SUPT3H: variants seen among roughly 807,000 people sequenced by gnomAD.
The protein encoded by SUPT3H is transcription initiation protein SPT3 homolog.
Under a neutral mutation model 44.3 loss-of-function variants are expected in SUPT3H, and 44 were observed. That is an observed-to-expected ratio of 0.99 (90% CI 0.78 to 1.28). The LOEUF is 1.28. Among genes scored for constraint, SUPT3H ranks in the 50% most tolerant of loss-of-function variants. SUPT3H has a pLI of 0.00. For missense variants in SUPT3H, 380 were observed against 387.1 expected, an observed-to-expected ratio of 0.98 and a Z score of 0.15; for synonymous variants, 124 against 125.6, an observed-to-expected ratio of 0.99 and a Z score of 0.09.
intron 10 of SUPT3H, among the ~76,000 whole-genome samples, chr6:44,865,290 G>A (rs911960142): frequency 2.0e-5 from 3 of 152,106 alleles, no homozygotes; most frequent in Non-Finnish European, 4.4e-5. Context: ...ACATTTTCCT[G>A]TCTTCTTCTG....
At chr6:45,251,297 G>A (rs1562794706) in intron 2 of SUPT3H, among the ~76,000 whole-genome samples, 3 of 151,966 alleles carry the variant, frequency 2.0e-5, no homozygotes, top group South Asian at 4.2e-4. Flanking sequence ...TTTATGTTAT[G>A]TATATTCTTT....
intron 2 of SUPT3H, among the ~76,000 whole-genome samples, chr6:45,199,531 A>G (rs1386768576): frequency 6.6e-6 from 1 of 151,408 alleles, no homozygotes; most frequent in African/African-American, 2.4e-5. Context: ...TACAGCAAAA[A>G]TACTTCGTCA....
chr6:45,164,937 C>T (rs1809604798), intron 2 of SUPT3H, among the ~76,000 whole-genome samples: 1 of 152,018 alleles, frequency 6.6e-6, no homozygotes, highest in South Asian at 2.1e-4. Context: ...TCATCTAAAG[C>T]CCAAGACCCC....
intron 2 of SUPT3H, among the ~76,000 whole-genome samples, chr6:45,186,697 T>C (rs947873417): frequency 2.0e-5 from 3 of 152,162 alleles, no homozygotes; most frequent in South Asian, 2.1e-4. Flanking sequence ...GGTACACCAC[T>C]CTTACCTTCC....
intron 10 of SUPT3H, 123 bp from the exon 11 acceptor site, chr6:44,829,980 G>T: frequency 1.2e-6 from 1 of 837,968 alleles, no homozygotes; most frequent in East Asian, 2.6e-5. Context: ...CTAATAGAAT[G>T]CTTAATCTGA....
At chr6:45,366,859 T>C (rs1273855051) in intron 1 of SUPT3H, among the ~76,000 whole-genome samples, 1 of 152,224 alleles carries the variant, frequency 6.6e-6, no homozygotes, top group Non-Finnish European at 1.5e-5. Flanking sequence ...CCTACGGCTA[T>C]GGCCTTCTAA....
At chr6:44,883,773 G>C (rs751662993) in intron 10 of SUPT3H, among the ~76,000 whole-genome samples, 2 of 152,124 alleles carry the variant, frequency 1.3e-5, no homozygotes, top group African/African-American at 2.4e-5. Flanking sequence ...AATGGGGAAA[G>C]GATTCCCTAT....
At chr6:45,179,186 T>C (rs1242563785) in intron 2 of SUPT3H, among the ~76,000 whole-genome samples, 1 of 152,122 alleles carries the variant, frequency 6.6e-6, no homozygotes, top group African/African-American at 2.4e-5. Context: ...CAGGAAGAAG[T>C]TGAATCTCTG....
chr6:45,270,791 GAC>G (rs1167939126), intron 2 of SUPT3H, among the ~76,000 whole-genome samples: 2 of 152,204 alleles, frequency 1.3e-5, no homozygotes, highest in Non-Finnish European at 2.9e-5. Flanking sequence ...GGCTCAGAAA[GAC>G]AGGAAAATGT....
intron 11 of SUPT3H, among the ~76,000 whole-genome samples, chr6:44,821,505 C>T (rs1767314787): frequency 6.6e-6 from 1 of 152,082 alleles, no homozygotes. Context: ...TTATATGTGA[C>T]TTTGGGAATG....
intron 10 of SUPT3H, among the ~76,000 whole-genome samples, chr6:44,894,559 C>G (rs1763821058): frequency 6.6e-6 from 1 of 152,052 alleles, no homozygotes; most frequent in African/African-American, 2.4e-5. Flanking sequence ...TCTGAGGGCT[C>G]TGTTCTGTTC....
Position 45,294,722 on chromosome 6 carries a change from T to C in SUPT3H, c.101+70479A>G, listed in dbSNP as rs556918751. 9.2e-5 allele frequency among the ~76,000 whole-genome samples: 8 copies of C among 86,940 alleles called. No individual in the cohort carries two copies. The South Asian group carries it at 3.2e-3, about 35-fold the overall frequency. The allele number at this position is 86,940 out of a possible 152,430, so 57.0% of individuals were successfully genotyped here. A position where few individuals can be genotyped will look rare whatever the true frequency, so the allele number is the denominator to read the frequency against. ...AATCAAATCAAGAATCAACCCCTTT[T>C]ACAATAGCTGCAAAAAAAAAAAAAA... On this transcript the variant is annotated intron_variant, in intron 2 of 10. Transcript: ENST00000371459.
intron 3 of SUPT3H, among the ~76,000 whole-genome samples, chr6:45,080,008 G>GAC: frequency 6.6e-6 from 1 of 152,206 alleles, no homozygotes; most frequent in African/African-American, 2.4e-5. Flanking sequence ...CAAAGTAAGA[G>GAC]ACAACCCACA....
intron 2 of SUPT3H, among the ~76,000 whole-genome samples, chr6:45,338,654 AATTT>A (rs2150121880): frequency 6.6e-6 from 1 of 152,262 alleles, no homozygotes; most frequent in African/African-American, 2.4e-5. Flanking sequence ...TCAAATAGTT[AATTT>A]ATTTTTATAC....
intron 10 of SUPT3H, among the ~76,000 whole-genome samples, chr6:44,870,355 G>A (rs918126404): frequency 9.9e-5 from 15 of 152,096 alleles, no homozygotes; most frequent in Admixed American, 5.2e-4. Flanking sequence ...CCAGCACTTC[G>A]TGAGTCTGAG....
intron 10 of SUPT3H, among the ~76,000 whole-genome samples, chr6:44,843,918 C>T (rs916434018): frequency 1.5e-4 from 5 of 33,038 alleles, no homozygotes; most frequent in African/African-American, 4.1e-4. Flanking sequence ...CACACACACA[C>T]ACACACACGC....
intron 2 of SUPT3H, among the ~76,000 whole-genome samples, chr6:45,315,922 C>CAGATAGATAGACAGATAGAT (rs1784606956): frequency 6.9e-6 from 1 of 145,476 alleles, no homozygotes; most frequent in Non-Finnish European, 1.5e-5. Context: ...CTCAGATAGA[C>CAGATAGATAGACAGATAGAT]AGATAGATAG....
At chr6:45,060,517 C>G (rs983915192) in intron 3 of SUPT3H, among the ~76,000 whole-genome samples, 1 of 151,986 alleles carries the variant, frequency 6.6e-6, no homozygotes, top group Non-Finnish European at 1.5e-5. Flanking sequence ...CAATAGCATT[C>G]TGGACACAGG....
At chr6:45,191,266 C>T (rs1161717008) in intron 2 of SUPT3H, among the ~76,000 whole-genome samples, 1 of 151,986 alleles carries the variant, frequency 6.6e-6, no homozygotes, top group Admixed American at 6.6e-5. Context: ...CATGAAAAGA[C>T]ATGGAAGAAC....
Sources: gnomAD v4.1 joint callset for allele counts (sites outside exome capture counted in the v4.1 genomes callset) on GRCh38, gnomAD v4.1.1 for gene constraint, MANE v1.5 for transcripts, NCBI Gene and HGNC (gene_info 2026-07-23, HGNC 2026-07-21) for gene names.